Variants in WDR35 observed in about 807,000 individuals in gnomAD.
WDR35 encodes WD repeat domain 35.
A neutral mutation model predicts 158.3 loss-of-function variants in WDR35; 118 were observed. The observed-to-expected ratio is 0.75, with a 90% confidence interval of 0.64 to 0.87. WDR35 has a LOEUF of 0.87. Among genes scored for constraint, WDR35 ranks in the 40% least tolerant of loss-of-function variants. The pLI is 0.00. For missense variants in WDR35, 1,263 were observed against 1,405.8 expected (o/e 0.90, Z 1.62); for synonymous variants, 448 against 476.1 (o/e 0.94, Z 0.77).
rs777331855 is a variant in WDR35 at position 19,945,984 on chromosome 2, G to A, written c.1647C>T (p.Ile549=). Residue 549 remains isoleucine (I), a synonymous_variant, in exon 16 of 27, where the codon ATC becomes ATT. Coordinates refer to ENST00000281405, the MANE Select transcript of WDR35 (RefSeq NM_020779.4). ...SLNCNSSRLA[I]IDISGVLTFF... ...AAGTCAGAACTCCTGAGATGTCTAT[G>A]ATAGCAAGACGGCTAAAAACAATGC... The A allele has an allele frequency of 6.2e-7, 1 of 1,613,796 alleles. No individual in the cohort carries two copies. The highest frequency in any genetic ancestry group is 8.5e-7 in the Non-Finnish European group (1 of 1,179,792).
At chr2:19,985,736 A>AG (rs1484665984) in intron 2 of WDR35, among the ~76,000 whole-genome samples, 16 of 150,402 alleles carry the variant, frequency 1.1e-4, no homozygotes, top group Middle Eastern at 3.4e-3. Context: ...AAAAAAAAAA[A>AG]AATACAAAAA....
At chr2:19,970,102 A>G (rs536742904) in intron 8 of WDR35, among the ~76,000 whole-genome samples, 1 of 152,304 alleles carries the variant, frequency 6.6e-6, no homozygotes, top group South Asian at 2.1e-4. Context: ...TTTACAAACT[A>G]TATCCAAAGA....
At chr2:19,916,262 C>T (rs1399672833) in intron 25 of WDR35, among the ~76,000 whole-genome samples, 4 of 152,228 alleles carry the variant, frequency 2.6e-5, no homozygotes, top group African/African-American at 4.8e-5. Flanking sequence ...AGATTCCTTT[C>T]GCTGCCCACG....
intron 10 of WDR35, among the ~76,000 whole-genome samples, chr2:19,963,992 C>T (rs1267724500): frequency 1.3e-5 from 2 of 152,136 alleles, no homozygotes; most frequent in African/African-American, 4.8e-5. Flanking sequence ...GATCTGCCCA[C>T]CTTGGCCTCC....
intron 4 of WDR35, 102 bp downstream of exon 4, chr2:19,980,589 A>C: frequency 1.1e-6 from 1 of 907,940 alleles, no homozygotes. Context: ...TCCTGTTGTT[A>C]GTAAAAGGGG....
Position 19,951,436 on chromosome 2 carries a change from A to C in WDR35, c.1449T>G (p.Leu483=). 6.2e-7 allele frequency: 1 copy of C among 1,611,600 alleles called. No homozygotes were observed. Among genetic ancestry groups the C allele is most frequent in the South Asian group, 1.1e-5 (1 of 90,618 alleles). The change falls in exon 13 of 27, where the codon CTT becomes CTG. Residue 483 remains leucine, a synonymous_variant. Transcript: ENST00000281405. ...DTPSGSMDGV[L]DYSKTIQGTR... Reference sequence around the variant, plus strand: ...CTACTTGAATGGTTTTACTATAATCAAGCACACCATCCATTGATCCAGAAG... The same window carrying C: ...CTACTTGAATGGTTTTACTATAATCCAGCACACCATCCATTGATCCAGAAG...
intron 8 of WDR35, 141 bp from the exon 9 acceptor site, chr2:19,969,746 GA>G: frequency 1.2e-6 from 1 of 810,840 alleles, no homozygotes; most frequent in Non-Finnish European, 1.8e-6. Flanking sequence ...CATGTTTCTT[GA>G]ATTTTTTTTT....
rs1670883935 is a variant in WDR35 at position 19,941,744 on chromosome 2, C to G, written c.1926+15G>C. 1 of 1,522,742 alleles carries G rather than the reference C, an allele frequency of 6.6e-7. No individual in the cohort carries two copies. The highest frequency in any genetic ancestry group is 9.0e-7 in the Non-Finnish European group (1 of 1,113,480). The allele number at this position is 1,522,742 out of a possible 1,614,324, so 94.3% of individuals were successfully genotyped here. ...TGTCAAGCTAGCAACAGAAATGTAA[C>G]TTTTTAGGAATTACCTTTAATATCT... On this transcript the variant is annotated intron_variant, in intron 17 of 26. Transcript: ENST00000281405.
intron 11 of WDR35, among the ~76,000 whole-genome samples, chr2:19,956,280 T>C (rs540513747): frequency 9.8e-5 from 15 of 152,352 alleles, no homozygotes; most frequent in African/African-American, 3.1e-4. Flanking sequence ...CCAACCAATG[T>C]TTACCTACAA....
chr2:19,978,819 C>T lies in WDR35; in HGVS notation c.368G>A (p.Trp123Ter). 1 of 1,613,858 alleles carries T rather than the reference C, an allele frequency of 6.2e-7. No homozygotes were observed. Among genetic ancestry groups the T allele is most frequent in the Non-Finnish European group, 8.5e-7 (1 of 1,179,872 alleles). ...GCAGATCTTCTGTCCGTCAGCATTC[C>T]AGCTCATACTGCGAACAACTGATTT... ...RNKSVVRSMS[W>*]NADGQKICIV... Residue 123 changes from tryptophan (W) to a stop codon, truncating the protein, a stop_gained, in exon 5 of 27, where the codon TGG (tryptophan) becomes TAG (stop). Transcript: ENST00000281405. LOFTEE classifies it high-confidence loss of function.
chr2:19,925,798 T>A (rs1454813951), intron 25 of WDR35, among the ~76,000 whole-genome samples: 7 of 152,242 alleles, frequency 4.6e-5, no homozygotes, highest in African/African-American at 1.2e-4. Context: ...ATGGGGTATA[T>A]CCCTGGTATG....
rs768818575 is a variant in WDR35 at position 19,931,400 on chromosome 2, C to T, written c.2833G>A (p.Glu945Lys). The T allele has an allele frequency of 6.2e-6, 10 of 1,613,204 alleles. 1 individual carries two copies. The South Asian group carries it at 1.1e-4, about 18-fold the overall frequency. The change falls in exon 24 of 27, where the codon GAA becomes AAA. Residue 945 changes from glutamate to lysine, a missense_variant. Coordinates refer to ENST00000281405, the MANE Select transcript of WDR35 (RefSeq NM_020779.4). ...AAKLMFKIAD[E>K]EAKKGSKPLR... ...GGTTTACTTCCTTTCTTTGCCTCTTCATCTGCAATCTTAAACATTTTTCAA... is the reference window on the plus strand; with the variant it reads ...GGTTTACTTCCTTTCTTTGCCTCTTTATCTGCAATCTTAAACATTTTTCAA...
intron 21 of WDR35, 93 bp from the exon 22 acceptor site, chr2:19,933,604 T>A: frequency 1.9e-6 from 2 of 1,069,270 alleles, no homozygotes; most frequent in Non-Finnish European, 2.8e-6. Context: ...GTATGAGTAT[T>A]AAATTTACTG....
intron 17 of WDR35, among the ~76,000 whole-genome samples, chr2:19,939,326 G>T (rs1385681320): frequency 2.6e-5 from 4 of 151,830 alleles, no homozygotes; most frequent in African/African-American, 9.7e-5. Context: ...ATCTACAAAA[G>T]GAGAAAAAGA....
At chr2:19,953,788 A>T (rs375996357) in intron 12 of WDR35, 46 bp downstream of exon 12, 3 of 1,612,518 alleles carry the variant, frequency 1.9e-6, no homozygotes, top group Non-Finnish European at 2.5e-6. Context: ...TCTGACTTCA[A>T]TGTGATATGG....
chr2:19,973,824 A>C, intron 7 of WDR35, 116 bp from the exon 8 acceptor site: 1 of 1,418,518 alleles, frequency 7.0e-7, no homozygotes, highest in Admixed American at 2.0e-5. Context: ...TTAAAAAAAC[A>C]GGGCTGGGTA....
At chr2:19,980,091 A>G (rs550706420) in intron 4 of WDR35, among the ~76,000 whole-genome samples, 1 of 152,232 alleles carries the variant, frequency 6.6e-6, no homozygotes, top group Non-Finnish European at 1.5e-5. Context: ...TATCCATAAA[A>G]GAAAAGGAAA....
intron 25 of WDR35, among the ~76,000 whole-genome samples, chr2:19,925,949 A>G (rs1572317478): frequency 6.6e-6 from 1 of 152,248 alleles, no homozygotes. Flanking sequence ...GTTAACAGAT[A>G]AGCCAATTTG....
At chr2:19,967,466 T>C (rs969209838) in intron 9 of WDR35, among the ~76,000 whole-genome samples, 7 of 152,194 alleles carry the variant, frequency 4.6e-5, no homozygotes, top group African/African-American at 1.4e-4. Flanking sequence ...ACTGCAACTG[T>C]TCTGGTGTTT....
Sources: allele counts gnomAD v4.1 joint callset (sites outside exome capture counted in the v4.1 genomes callset), GRCh38; gene constraint gnomAD v4.1.1; transcripts MANE v1.5; gene names NCBI Gene and HGNC (gene_info 2026-07-23, HGNC 2026-07-21).